The following KCNH8 variants were observed in gnomAD, a reference collection of about 807,000 sequenced individuals.
KCNH8 encodes the protein voltage-gated delayed rectifier potassium channel KCNH8.
KCNH8 carries 70 observed loss-of-function variants against 103.6 expected under a neutral mutation model. That is an observed-to-expected ratio of 0.68 (90% CI 0.56 to 0.82). The LOEUF (loss-of-function observed/expected upper bound fraction) is 0.82. Ranked by LOEUF, KCNH8 falls within the 40% of genes least tolerant of loss-of-function variation. The pLI is 0.00. For missense variants in KCNH8, 1,217 were observed against 1,329.9 expected (o/e 0.92, Z 1.32); for synonymous variants, 498 against 489.4 (o/e 1.02, Z -0.23).
intron 3 of KCNH8, among the ~76,000 whole-genome samples, chr3:19,330,771 G>A (rs1015544871): frequency 2.0e-5 from 3 of 152,086 alleles, no homozygotes; most frequent in Non-Finnish European, 4.4e-5. Flanking sequence ...CAAATTTTAC[G>A]ATATTTTTGT....
intron 11 of KCNH8, among the ~76,000 whole-genome samples, chr3:19,467,233 A>C (rs2067757076): frequency 1.3e-5 from 2 of 152,224 alleles, no homozygotes; most frequent in Middle Eastern, 3.4e-3. Context: ...TTAAAAATAT[A>C]CATGTTAAAA....
intron 5 of KCNH8, among the ~76,000 whole-genome samples, chr3:19,374,496 G>A (rs184915389): frequency 6.6e-6 from 1 of 151,500 alleles, no homozygotes; most frequent in Admixed American, 6.6e-5. Flanking sequence ...TTTGAGCCTA[G>A]TCTCTGCACG....
At chr3:19,225,693 T>C (rs2125234543) in intron 1 of KCNH8, among the ~76,000 whole-genome samples, 1 of 152,304 alleles carries the variant, frequency 6.6e-6, no homozygotes, top group South Asian at 2.1e-4. Flanking sequence ...CTTGACAGTT[T>C]CTTGTAACAT....
At chr3:19,297,020 A>T (rs529908553) in intron 3 of KCNH8, among the ~76,000 whole-genome samples, 1 of 152,198 alleles carries the variant, frequency 6.6e-6, no homozygotes, top group Non-Finnish European at 1.5e-5. Context: ...GTGGAAAAAC[A>T]TACATATCCA....
chr3:19,318,509 G>A (rs1004727604), intron 3 of KCNH8, among the ~76,000 whole-genome samples: 4 of 151,572 alleles, frequency 2.6e-5, no homozygotes, highest in African/African-American at 9.7e-5. Context: ...CCACTTATGA[G>A]TAAAAACATA....
chr3:19,356,925 G>C (rs1214153251), intron 5 of KCNH8, among the ~76,000 whole-genome samples: 3 of 151,696 alleles, frequency 2.0e-5, no homozygotes, highest in African/African-American at 7.3e-5. Flanking sequence ...TTAATAATTT[G>C]AATTTGTAAT....
chr3:19,240,108 A>G (rs1177222979), intron 1 of KCNH8, among the ~76,000 whole-genome samples: 1 of 152,168 alleles, frequency 6.6e-6, no homozygotes, highest in Non-Finnish European at 1.5e-5. Context: ...ATCTAATTTC[A>G]TGAGCTCTCT....
chr3:19,365,662 G>A (rs2066002204), intron 5 of KCNH8, among the ~76,000 whole-genome samples: 1 of 151,954 alleles, frequency 6.6e-6, no homozygotes, highest in Non-Finnish European at 1.5e-5. Flanking sequence ...CTGGAGATAG[G>A]CCAGTGAAGC....
Position 19,387,852 on chromosome 3 carries a change from T to C in KCNH8, c.812-2629T>C, listed in dbSNP as rs1297798789. ...ATTTAGCATATTTCTTTTCATTCCT[T>C]TAACTCAATTGAATAATAAATTGTT... On this transcript the variant is annotated intron_variant, in intron 5 of 15. Transcript: ENST00000328405. 3.3e-5 allele frequency among the ~76,000 whole-genome samples: 5 copies of C among 152,098 alleles called. No individual in the cohort carries two copies. The East Asian group carries it at 9.6e-4, about 29-fold the overall frequency.
chr3:19,347,678 T>A lies in KCNH8; in HGVS notation c.571-47T>A, dbSNP rs780853173. ...TGTTTCAAGCTATGTAATCCTTGTTTCTAATGTTGTGTTTCTCCTTTCTCT... is the reference window on the plus strand; with the variant it reads ...TGTTTCAAGCTATGTAATCCTTGTTACTAATGTTGTGTTTCTCCTTTCTCT... On this transcript the variant is annotated intron_variant, in intron 4 of 15. Transcript: ENST00000328405. 6.2e-6 allele frequency: 10 copies of A among 1,602,526 alleles called. No homozygotes were observed. The Admixed American group carries it at 1.7e-4, about 27-fold the overall frequency.
intron 7 of KCNH8, among the ~76,000 whole-genome samples, chr3:19,416,526 G>A (rs1455431463): frequency 6.6e-6 from 1 of 152,030 alleles, no homozygotes; most frequent in Non-Finnish European, 1.5e-5. Context: ...TGTGTTCTAA[G>A]TTTCTGTTCT....
intron 1 of KCNH8, among the ~76,000 whole-genome samples, chr3:19,204,800 A>G (rs1448917917): frequency 1.3e-5 from 2 of 152,090 alleles, no homozygotes; most frequent in East Asian, 3.9e-4. Flanking sequence ...AGACCTAAAG[A>G]TATCTTAGCT....
At chr3:19,356,201 A>G (rs1322076302) in intron 5 of KCNH8, among the ~76,000 whole-genome samples, 1 of 151,996 alleles carries the variant, frequency 6.6e-6, no homozygotes, top group Non-Finnish European at 1.5e-5. Context: ...GAGATGATAT[A>G]TCTCTTTTGG....
At chr3:19,362,086 T>C (rs2065953997) in intron 5 of KCNH8, among the ~76,000 whole-genome samples, 2 of 152,158 alleles carry the variant, frequency 1.3e-5, no homozygotes, top group Admixed American at 1.3e-4. Context: ...ATAATGATGA[T>C]TATTGTCGAT....
intron 1 of KCNH8, among the ~76,000 whole-genome samples, chr3:19,251,147 G>T (rs2064271397): frequency 6.6e-6 from 1 of 152,080 alleles, no homozygotes; most frequent in Non-Finnish European, 1.5e-5. Flanking sequence ...CCAGTAGGAG[G>T]GTGCCCCCCT....
Position 19,345,765 on chromosome 3 carries a change from TAAC to T in KCNH8, c.571-1955_571-1953del, listed in dbSNP as rs1175477550. Among the ~76,000 whole-genome samples the T allele has an allele frequency of 6.6e-5, 10 of 152,112 alleles. 1 individual carries two copies. Among genetic ancestry groups the T allele is most frequent in the Non-Finnish European group, 1.0e-4 (7 of 67,998 alleles). The stretch of plus-strand genomic sequence containing the variant: ...GTAAAGATGTTTGCAGGATTTGAGT[TAAC>T]AACATTTCAAAATTTAAATCTAATC... On this transcript the variant is annotated intron_variant, in intron 4 of 15. Coordinates refer to ENST00000328405, the MANE Select transcript of KCNH8 (RefSeq NM_144633.3).
chr3:19,225,212 G>A (rs371575584), intron 1 of KCNH8, among the ~76,000 whole-genome samples: 1 of 151,766 alleles, frequency 6.6e-6, no homozygotes, highest in African/African-American at 2.4e-5. Flanking sequence ...ACTCTAATAT[G>A]GATTGGATTT....
intron 1 of KCNH8, among the ~76,000 whole-genome samples, chr3:19,250,467 A>G (rs2064262625): frequency 6.6e-6 from 1 of 152,216 alleles, no homozygotes; most frequent in Non-Finnish European, 1.5e-5. Flanking sequence ...AAGTAGGAAT[A>G]TGGGAAAATA....
intron 5 of KCNH8, among the ~76,000 whole-genome samples, chr3:19,350,164 G>C (rs892162742): frequency 6.6e-6 from 1 of 151,880 alleles, no homozygotes; most frequent in Non-Finnish European, 1.5e-5. Flanking sequence ...ATATTTCTCT[G>C]TTTCCCTAAA....
Sources: allele counts gnomAD v4.1 joint callset (sites outside exome capture counted in the v4.1 genomes callset), GRCh38; gene constraint gnomAD v4.1.1; transcripts MANE v1.5; gene names NCBI Gene and HGNC (gene_info 2026-07-23, HGNC 2026-07-21).